The following SYNPR variants were observed in gnomAD, a reference collection of about 807,000 sequenced individuals.
SYNPR encodes synaptoporin.
SYNPR carries 23 observed loss-of-function variants against 32.9 expected under a neutral mutation model. That is an observed-to-expected ratio of 0.70 (90% CI 0.50 to 0.99). The LOEUF (loss-of-function observed/expected upper bound fraction) is 0.99, where lower values mean the gene tolerates loss of function less well. SYNPR is among the 50% of genes least tolerant of loss of function. SYNPR has a pLI of 0.00. For synonymous variants in SYNPR, 146 were observed against 135.9 expected, an observed-to-expected ratio of 1.07 and a Z score of -0.52; for missense variants, 318 against 349.3, an observed-to-expected ratio of 0.91 and a Z score of 0.71.
At position 63,446,871 on chromosome 3, in the gene SYNPR, C is replaced by T. The variant is rs1432313663; in HGVS notation, c.85-33961C>T. Among the ~76,000 whole-genome samples the T allele has an allele frequency of 2.6e-5, 4 of 152,152 alleles. No individual in the cohort carries two copies. In the East Asian group the frequency reaches 7.7e-4, roughly 29 times the overall value. ...GTGATCTGCTGTGTCTAATAAGCAA[C>T]AGCTTTTGAGCTACTCTTGGTTAGG... On this transcript the variant is annotated intron_variant, in intron 2 of 5. Coordinates refer to ENST00000478300, the MANE Select transcript of SYNPR (RefSeq NM_001130003.2).
At chr3:63,316,368 CTT>C (rs921610430) in intron 2 of SYNPR, among the ~76,000 whole-genome samples, 3 of 151,524 alleles carry the variant, frequency 2.0e-5, no homozygotes, top group Admixed American at 2.0e-4. Context: ...TGGTCCTGGA[CTT>C]TTTTTTGTTT....
chr3:63,594,578 T>C (rs953715577), intron 4 of SYNPR, among the ~76,000 whole-genome samples: 2 of 152,176 alleles, frequency 1.3e-5, no homozygotes, highest in Admixed American at 1.3e-4. Context: ...TGTGCACCTT[T>C]CAAACTGGGT....
rs565971874 is a variant in SYNPR, at chr3:63,605,974, T to C, written c.409-3151T>C. 5.9e-5 allele frequency among the ~76,000 whole-genome samples: 9 copies of C among 152,378 alleles called. No individual in the cohort carries two copies. The South Asian group carries it at 1.9e-3, about 32-fold the overall frequency. ...CTGTCATTATTGCTTTTATTCGTGA[T>C]ATAAAAGTTTACATTTATTTGTCAC... is the stretch of plus-strand genomic sequence containing the variant. On this transcript the variant is annotated intron_variant, in intron 4 of 5. Coordinates refer to ENST00000478300, the MANE Select transcript of SYNPR (RefSeq NM_001130003.2).
intron 4 of SYNPR, among the ~76,000 whole-genome samples, chr3:63,557,139 T>C (rs1209310637): frequency 6.6e-6 from 1 of 152,160 alleles, no homozygotes; most frequent in Non-Finnish European, 1.5e-5. Context: ...TATGTCTTTT[T>C]CCTACCAATT....
At chr3:63,545,061 A>G (rs538545419) in intron 3 of SYNPR, among the ~76,000 whole-genome samples, 2 of 151,526 alleles carry the variant, frequency 1.3e-5, no homozygotes, top group East Asian at 1.9e-4. Flanking sequence ...GTAGCGTTCC[A>G]TTGGACACAA....
chr3:63,548,417 C>T (rs1160378255), intron 3 of SYNPR, among the ~76,000 whole-genome samples: 1 of 152,032 alleles, frequency 6.6e-6, no homozygotes, highest in Non-Finnish European at 1.5e-5. Flanking sequence ...TGTGAAAGTG[C>T]TACATAAATT....
chr3:63,525,679 T>C (rs915254153), intron 3 of SYNPR, among the ~76,000 whole-genome samples: 2 of 152,218 alleles, frequency 1.3e-5, no homozygotes, highest in African/African-American at 2.4e-5. Context: ...AGAGGGATCA[T>C]GGTTTAGAGA....
At chr3:63,322,508 G>A (rs747907682) in intron 2 of SYNPR, among the ~76,000 whole-genome samples, 40 of 151,986 alleles carry the variant, frequency 2.6e-4, no homozygotes, top group Admixed American at 4.6e-4. Flanking sequence ...AAATGTATAC[G>A]CTTGACCACT....
At chr3:63,379,686 T>A (rs1485078399) in intron 2 of SYNPR, among the ~76,000 whole-genome samples, 1 of 151,886 alleles carries the variant, frequency 6.6e-6, no homozygotes, top group Non-Finnish European at 1.5e-5. Context: ...ATTCTTTTGC[T>A]TTCTTTTTTT....
At chr3:63,465,648 T>C (rs1700664051) in intron 2 of SYNPR, among the ~76,000 whole-genome samples, 2 of 152,194 alleles carry the variant, frequency 1.3e-5, no homozygotes, top group African/African-American at 4.8e-5. Flanking sequence ...TTGTTCCTTT[T>C]ATACTGTCAT....
At chr3:63,532,486 G>A (rs1160883816) in intron 3 of SYNPR, among the ~76,000 whole-genome samples, 2 of 152,198 alleles carry the variant, frequency 1.3e-5, no homozygotes, top group African/African-American at 2.4e-5. Flanking sequence ...TGCACTGTGT[G>A]GGCAGGAGAA....
chr3:63,579,611 G>A (rs905633925), intron 4 of SYNPR, among the ~76,000 whole-genome samples: 1 of 152,036 alleles, frequency 6.6e-6, no homozygotes, highest in Non-Finnish European at 1.5e-5. Context: ...CCAGTGTTTA[G>A]AAAGATGCTC....
intron 4 of SYNPR, among the ~76,000 whole-genome samples, chr3:63,582,879 C>A (rs1407051092): frequency 6.6e-6 from 1 of 152,036 alleles, no homozygotes; most frequent in African/African-American, 2.4e-5. Flanking sequence ...CCTATCCTAT[C>A]ACTGAGAATT....
intron 2 of SYNPR, among the ~76,000 whole-genome samples, chr3:63,399,786 C>G (rs1250501309): frequency 1.3e-5 from 2 of 152,172 alleles, no homozygotes; most frequent in Non-Finnish European, 2.9e-5. Context: ...GTAGCTCCTC[C>G]CACTGACGCA....
intron 4 of SYNPR, among the ~76,000 whole-genome samples, chr3:63,602,884 G>A (rs1038555172): frequency 1.3e-5 from 2 of 152,238 alleles, no homozygotes; most frequent in African/African-American, 4.8e-5. Context: ...TGTAAAGAAT[G>A]TCATTGATAG....
At chr3:63,560,824 C>T (rs2106833462) in intron 4 of SYNPR, among the ~76,000 whole-genome samples, 1 of 152,280 alleles carries the variant, frequency 6.6e-6, no homozygotes. Context: ...CCCCCATGAT[C>T]CAATCACCTC....
At chr3:63,493,694 T>C (rs148783072) in intron 3 of SYNPR, among the ~76,000 whole-genome samples, 43 of 151,840 alleles carry the variant, frequency 2.8e-4, no homozygotes, top group African/African-American at 9.7e-4. Context: ...CGCACACCTG[T>C]AGTCCCAGCT....
At chr3:63,516,346 A>G (rs915913617) in intron 3 of SYNPR, among the ~76,000 whole-genome samples, 1 of 152,092 alleles carries the variant, frequency 6.6e-6, no homozygotes, top group Non-Finnish European at 1.5e-5. Flanking sequence ...ATTCTTAGAG[A>G]GGTTCTATAG....
the SYNPR span, among the ~76,000 whole-genome samples, chr3:63,207,480 T>A: frequency 3.9e-5 from 6 of 152,196 alleles, no homozygotes; most frequent in African/African-American, 1.4e-4. Flanking sequence ...GTCACTAACA[T>A]GATTGAACAA....
Sources: gnomAD v4.1 joint callset for allele counts (sites outside exome capture counted in the v4.1 genomes callset) on GRCh38, gnomAD v4.1.1 for gene constraint, MANE v1.5 for transcripts, NCBI Gene and HGNC (gene_info 2026-07-23, HGNC 2026-07-21) for gene names.